SMURF1: variants seen among roughly 807,000 people sequenced by gnomAD.
The protein encoded by SMURF1 is E3 ubiquitin-protein ligase SMURF1.
SMURF1 carries 44 observed loss-of-function variants against 98.0 expected under a neutral mutation model. The observed-to-expected ratio is 0.45, with a 90% CI of 0.35 to 0.58. SMURF1 has a LOEUF of 0.58. Ranked by LOEUF, SMURF1 falls within the 20% of genes least tolerant of loss-of-function variation. The pLI is 0.00. For synonymous variants in SMURF1, 396 were observed against 374.9 expected, an observed-to-expected ratio of 1.06 and a Z score of -0.65; for missense variants, 687 against 938.4, an observed-to-expected ratio of 0.73 and a Z score of 3.50.
intron 1 of SMURF1, among the ~76,000 whole-genome samples, chr7:99,069,308 G>T (rs1199363007): frequency 6.6e-6 from 1 of 152,120 alleles, no homozygotes; most frequent in African/African-American, 2.4e-5. Context: ...AGGTGGCTTT[G>T]TTCCCCAGCT....
intron 1 of SMURF1, among the ~76,000 whole-genome samples, chr7:99,063,162 G>A (rs1796075840): frequency 7.0e-6 from 1 of 143,734 alleles, no homozygotes; most frequent in African/African-American, 2.6e-5. Context: ...AGTGAATAAT[G>A]TCGTAAGTGA....
intron 1 of SMURF1, among the ~76,000 whole-genome samples, chr7:99,067,766 G>A (rs186012270): frequency 6.6e-6 from 1 of 152,088 alleles, no homozygotes; most frequent in Non-Finnish European, 1.5e-5. Context: ...AGGCTGGCCA[G>A]CATGGTGAAA....
intron 9 of SMURF1, 65 bp from the exon 10 acceptor site, chr7:99,047,947 G>A (rs997780674): frequency 7.4e-5 from 108 of 1,451,232 alleles, no homozygotes; most frequent in Non-Finnish European, 6.9e-5. Context: ...AAGCACCCAC[G>A]TACGCGACAG....
chr7:99,051,372 T>C lies in SMURF1; in HGVS notation c.791A>G (p.Asp264Gly), dbSNP rs1236649932. 1 of 1,613,984 alleles carries C rather than the reference T, an allele frequency of 6.2e-7. No individual in the cohort carries two copies. The change falls in exon 8 of 18, where the codon GAC becomes GGC. Residue 264 changes from aspartate (D) to glycine (G), a missense_variant. Transcript: ENST00000361368. ...GGAGGCTTACCTTGGTATCCTGGGG[T>C]CGTGCCACGTGCTAACTCCAGTCTG... The part of the protein sequence containing the change: ...HTQTGVSTWH[D>G]PRIPRDLNSV...
intron 1 of SMURF1, among the ~76,000 whole-genome samples, chr7:99,090,139 C>T (rs966429773): frequency 2.6e-5 from 4 of 152,170 alleles, no homozygotes; most frequent in Middle Eastern, 3.2e-3. Context: ...GCTTCCCACG[C>T]GCACTACTGT....
chr7:99,033,338 TCTCA>T (rs2150491580), intron 16 of SMURF1, among the ~76,000 whole-genome samples: 1 of 152,186 alleles, frequency 6.6e-6, no homozygotes, highest in South Asian at 2.1e-4. Flanking sequence ...TGAGACAGGG[TCTCA>T]CTCTGTTGCT....
intron 1 of SMURF1, among the ~76,000 whole-genome samples, chr7:99,068,142 G>A (rs1197479548): frequency 1.3e-5 from 2 of 152,142 alleles, no homozygotes; most frequent in African/African-American, 2.4e-5. Flanking sequence ...GTGTCTCCAA[G>A]TCCTATCACT....
chr7:99,065,307 G>A (rs1400842160), intron 1 of SMURF1, among the ~76,000 whole-genome samples: 1 of 152,178 alleles, frequency 6.6e-6, no homozygotes, highest in East Asian at 1.9e-4. Flanking sequence ...AGGCGGGTCT[G>A]AAACTCCTGG....
chr7:99,142,774 G>A (rs1406823403), intron 1 of SMURF1, among the ~76,000 whole-genome samples: 4 of 151,244 alleles, frequency 2.6e-5, no homozygotes, highest in Non-Finnish European at 5.9e-5. Flanking sequence ...CCAGGAGGAT[G>A]AGGGGAGGGA....
intron 1 of SMURF1, among the ~76,000 whole-genome samples, chr7:99,072,986 G>A (rs555090369): frequency 1.8e-4 from 27 of 152,174 alleles, no homozygotes; most frequent in Non-Finnish European, 3.7e-4. Context: ...ACAGCTCGAG[G>A]TGACCTGGCA....
intron 11 of SMURF1, among the ~76,000 whole-genome samples, chr7:99,045,339 A>G (rs958167323): frequency 4.6e-5 from 7 of 152,252 alleles, no homozygotes; most frequent in African/African-American, 1.2e-4. Context: ...CCCTGCAGCA[A>G]ATCCTCTACA....
At chr7:99,136,369 C>T (rs975525468) in intron 1 of SMURF1, among the ~76,000 whole-genome samples, 8 of 152,100 alleles carry the variant, frequency 5.3e-5, no homozygotes, top group African/African-American at 1.9e-4. Context: ...CTTTCATTTT[C>T]GTATCCATTA....
At position 99,111,318 on chromosome 7, in the gene SMURF1, G is replaced by T. The variant is rs1797318720; in HGVS notation, c.55+32408C>A. ...TGGCATGTATCCATCAATTTGTGAA[G>T]ATCAAGAAATTTGATACTAAGTAGT... On this transcript the variant is annotated intron_variant, in intron 1 of 17. Transcript: ENST00000361368. 2.6e-5 allele frequency among the ~76,000 whole-genome samples: 4 copies of T among 152,286 alleles called. No homozygotes were observed. The South Asian group carries it at 8.3e-4, about 32-fold the overall frequency.
rs1190606486 is a variant in SMURF1, at chr7:99,029,616, C to T, written c.*968G>A. 6.6e-6 allele frequency: 1 copy of T among 152,222 alleles called. No homozygotes were observed. Among genetic ancestry groups the T allele is most frequent in the Non-Finnish European group, 1.5e-5 (1 of 68,042 alleles). 9.4% of individuals were successfully genotyped at this position (152,222 alleles called of 1,614,324 possible). ...TCACCATTGCTTTTAAGCGAGTTCA[C>T]ACCAAGCCAGCAGCTATGATGACAC... is the stretch of plus-strand genomic sequence containing the variant. On this transcript the variant is annotated 3_prime_UTR_variant, in exon 18 of 18. Transcript: ENST00000361368.
intron 1 of SMURF1, 73 bp from the exon 2 acceptor site, chr7:99,061,910 C>T (rs1796042859): frequency 4.4e-6 from 5 of 1,129,616 alleles, no homozygotes; most frequent in South Asian, 1.7e-5. Flanking sequence ...TATATTTACA[C>T]CCGAACAAAA....
intron 13 of SMURF1, among the ~76,000 whole-genome samples, chr7:99,039,629 A>G (rs1362764997): frequency 6.6e-6 from 1 of 152,138 alleles, no homozygotes; most frequent in Non-Finnish European, 1.5e-5. Context: ...CGGCCCCACA[A>G]AGTGCTGGGA....
At chr7:99,119,601 G>A (rs1025120152) in intron 1 of SMURF1, among the ~76,000 whole-genome samples, 1 of 152,132 alleles carries the variant, frequency 6.6e-6, no homozygotes, top group African/African-American at 2.4e-5. Context: ...ATAGAAGCTG[G>A]AAGGCTGTGT....
chr7:99,089,873 C>T (rs1796772177), intron 1 of SMURF1, among the ~76,000 whole-genome samples: 1 of 152,154 alleles, frequency 6.6e-6, no homozygotes, highest in South Asian at 2.1e-4. Flanking sequence ...TTTTATCGTA[C>T]TACCATTTTC....
intron 1 of SMURF1, among the ~76,000 whole-genome samples, chr7:99,073,779 A>C (rs1796389675): frequency 6.6e-6 from 1 of 152,144 alleles, no homozygotes; most frequent in Admixed American, 6.6e-5. Flanking sequence ...AAAAAAAAAA[A>C]AATTGGTCAT....
Sources: gnomAD v4.1 joint callset for allele counts (sites outside exome capture counted in the v4.1 genomes callset) on GRCh38, gnomAD v4.1.1 for gene constraint, MANE v1.5 for transcripts, NCBI Gene and HGNC (gene_info 2026-07-23, HGNC 2026-07-21) for gene names.